Variants in DOCK4 observed in about 807,000 individuals in gnomAD.
DOCK4 encodes the protein dedicator of cytokinesis 4.
In DOCK4, 97 loss-of-function variants were observed where a neutral mutation model predicts 268.1. That is an observed-to-expected ratio of 0.36 (90% CI 0.31 to 0.43). DOCK4 has a LOEUF of 0.43. DOCK4 is among the 20% of genes least tolerant of loss of function. DOCK4 has a pLI of 1.00. For synonymous variants in DOCK4, 954 were observed against 887.2 expected (o/e 1.08, Z -1.34); for missense variants, 2,145 against 2,455.7 (o/e 0.87, Z 2.67).
chr7:111,735,754 G>A (rs1440182221), intron 50 of DOCK4, among the ~76,000 whole-genome samples: 5 of 152,116 alleles, frequency 3.3e-5, no homozygotes, highest in Admixed American at 3.3e-4. Flanking sequence ...AGGAATATGG[G>A]GCAATCCTGG....
intron 30 of DOCK4, among the ~76,000 whole-genome samples, chr7:111,792,084 G>T (rs1182977692): frequency 5.3e-5 from 8 of 152,206 alleles, no homozygotes; most frequent in Non-Finnish European, 5.9e-5. Flanking sequence ...TCATGTAGCA[G>T]GTGAGTTTTA....
intron 8 of DOCK4, among the ~76,000 whole-genome samples, chr7:111,972,934 C>G (rs888294747): frequency 1.3e-5 from 2 of 151,598 alleles, no homozygotes; most frequent in African/African-American, 2.4e-5. Flanking sequence ...TCTTTTATCT[C>G]TAATCACCCT....
At chr7:112,082,110 A>G (rs555368612) in intron 1 of DOCK4, among the ~76,000 whole-genome samples, 3 of 152,326 alleles carry the variant, frequency 2.0e-5, no homozygotes, top group African/African-American at 7.2e-5. Context: ...CTGTCATGGA[A>G]TAGACACATA....
intron 25 of DOCK4, among the ~76,000 whole-genome samples, chr7:111,844,271 G>A (rs1422459258): frequency 1.3e-5 from 2 of 152,054 alleles, no homozygotes; most frequent in Non-Finnish European, 2.9e-5. Flanking sequence ...GCGAGACTCC[G>A]TCTCAAAAAA....
intron 39 of DOCK4, among the ~76,000 whole-genome samples, chr7:111,763,968 G>A (rs1797615030): frequency 6.6e-6 from 1 of 152,182 alleles, no homozygotes; most frequent in Admixed American, 6.5e-5. Flanking sequence ...TGGGATTACA[G>A]TGTGCCACTG....
intron 23 of DOCK4, among the ~76,000 whole-genome samples, chr7:111,847,829 G>A (rs1290356380): frequency 6.6e-6 from 1 of 152,080 alleles, no homozygotes; most frequent in African/African-American, 2.4e-5. Context: ...GTCTTTATCA[G>A]CAGCACGAAA....
chr7:112,194,295 C>T (rs1485941640), intron 1 of DOCK4, among the ~76,000 whole-genome samples: 1 of 152,186 alleles, frequency 6.6e-6, no homozygotes, highest in African/African-American at 2.4e-5. Context: ...GTGACACCAA[C>T]ATCAGTCTTC....
chr7:111,767,287 C>T (rs1797824447), intron 37 of DOCK4, among the ~76,000 whole-genome samples, 169 bp from the exon 38 acceptor site: 1 of 147,510 alleles, frequency 6.8e-6, no homozygotes, highest in South Asian at 2.1e-4. Flanking sequence ...AGCGCAGTGG[C>T]CTCATCTTGG....
intron 13 of DOCK4, among the ~76,000 whole-genome samples, chr7:111,903,126 C>T (rs922398696): frequency 4.6e-5 from 7 of 152,168 alleles, no homozygotes; most frequent in African/African-American, 1.4e-4. Flanking sequence ...AAAGTGTGCA[C>T]AAGGAAGTAT....
At chr7:112,127,160 C>T (rs1813299617) in intron 1 of DOCK4, among the ~76,000 whole-genome samples, 1 of 150,890 alleles carries the variant, frequency 6.6e-6, no homozygotes, top group African/African-American at 2.4e-5. Context: ...GGAACCAACC[C>T]AAATGTCCAA....
rs147170180 is a variant in DOCK4, at chr7:111,788,516, C to T, written c.3401+146G>A. 1.4e-3 allele frequency: 937 copies of T among 649,648 alleles called. 3 individuals are homozygous for T. The highest frequency in any genetic ancestry group is 2.2e-3 in the Non-Finnish European group (804 of 363,050). 40.2% of individuals were successfully genotyped at this position (649,648 alleles called of 1,614,324 possible). ...CCATTCGCCAGAGTTAGGCAATTAT[C>T]CTTTATTTCACACTCCACAAAGACA... is the stretch of plus-strand genomic sequence containing the variant. On this transcript the variant is annotated intron_variant, in intron 32 of 52. Transcript: ENST00000428084.
intron 1 of DOCK4, among the ~76,000 whole-genome samples, chr7:112,097,255 A>T (rs931543320): frequency 2.6e-5 from 4 of 152,102 alleles, no homozygotes; most frequent in Admixed American, 6.5e-5. Context: ...AAAGTTTAAA[A>T]CTTTCTAGGA....
intron 16 of DOCK4, among the ~76,000 whole-genome samples, chr7:111,895,267 G>T (rs866704134): frequency 1.3e-5 from 2 of 152,108 alleles, no homozygotes; most frequent in South Asian, 2.1e-4. Flanking sequence ...TACTTCTGGG[G>T]ATACACAGAC....
intron 12 of DOCK4, among the ~76,000 whole-genome samples, chr7:111,917,881 G>A (rs900694653): frequency 6.6e-6 from 1 of 152,090 alleles, no homozygotes; most frequent in Non-Finnish European, 1.5e-5. Context: ...TGCTGTATAA[G>A]AACAAAGGTG....
intron 8 of DOCK4, among the ~76,000 whole-genome samples, chr7:111,948,752 G>C (rs952811893): frequency 4.6e-5 from 7 of 151,670 alleles, no homozygotes; most frequent in Non-Finnish European, 7.4e-5. Flanking sequence ...GCACCACCAC[G>C]CCTGGCTAAT....
At chr7:111,940,382 A>G (rs1229433282) in intron 10 of DOCK4, 140 bp from the exon 11 acceptor site, 1 of 1,097,714 alleles carries the variant, frequency 9.1e-7, no homozygotes, top group South Asian at 1.5e-5. Flanking sequence ...GTAACAGAAG[A>G]TATTGCTTCA....
chr7:112,022,063 T>A lies in DOCK4; in HGVS notation c.38-17932A>T, dbSNP rs140071122. Among the ~76,000 whole-genome samples the A allele has an allele frequency of 1.7e-3, 266 of 152,330 alleles. 1 individual carries two copies. The highest frequency in any genetic ancestry group is 6.1e-3 in the African/African-American group (254 of 41,574). On this transcript the variant is annotated intron_variant, in intron 1 of 52. Coordinates refer to ENST00000428084, the MANE Select transcript of DOCK4 (RefSeq NM_001363540.2). Reference sequence around the variant, plus strand: ...CATTAACTTGGTACTATATTCTATGTCATGACAGTGTGAAAAACACCTAGA... The same window carrying A: ...CATTAACTTGGTACTATATTCTATGACATGACAGTGTGAAAAACACCTAGA...
At chr7:112,204,951 G>C (rs1406377274) in intron 1 of DOCK4, among the ~76,000 whole-genome samples, 2 of 151,978 alleles carry the variant, frequency 1.3e-5, no homozygotes, top group Non-Finnish European at 2.9e-5. Flanking sequence ...AGGAAATAAA[G>C]AGTGTTAGTA....
intron 23 of DOCK4, among the ~76,000 whole-genome samples, chr7:111,851,110 G>A (rs1393193506): frequency 6.6e-6 from 1 of 152,052 alleles, no homozygotes; most frequent in Non-Finnish European, 1.5e-5. Flanking sequence ...ATTTAACTTG[G>A]TATAGATCAT....
Sources: gnomAD v4.1 joint callset for allele counts (sites outside exome capture counted in the v4.1 genomes callset) on GRCh38, gnomAD v4.1.1 for gene constraint, MANE v1.5 for transcripts, NCBI Gene and HGNC (gene_info 2026-07-23, HGNC 2026-07-21) for gene names.